TXNL4B: variants seen among roughly 807,000 people sequenced by gnomAD.
TXNL4B encodes the protein thioredoxin-like protein 4B.
A neutral mutation model predicts 13.0 loss-of-function variants in TXNL4B; 12 were observed. The observed-to-expected ratio is 0.92, with a 90% confidence interval of 0.59 to 1.49. TXNL4B has a LOEUF of 1.49. Ranked by LOEUF, TXNL4B falls within the 40% of genes most tolerant of loss-of-function variation. The pLI is 0.00. For missense variants in TXNL4B, 214 were observed against 173.6 expected (o/e 1.23, Z -1.31); for synonymous variants, 59 against 58.9 (o/e 1.00, Z -0.01).
rs1567595709 is a variant in TXNL4B, at chr16:72,086,820, GAA to G, written c.285-20_285-19del. ...CTGGAGATCTAGACAGCATAGAAGA[GAA>G]ACAACTGCTCTAAGAACTTTGAGTA... On this transcript the variant is annotated intron_variant, in intron 3 of 3. Coordinates refer to ENST00000268483, the MANE Select transcript of TXNL4B (RefSeq NM_017853.3). 2.0e-6 allele frequency: 3 copies of G among 1,534,774 alleles called. No homozygotes were observed. The Admixed American group carries it at 5.4e-5, about 28-fold the overall frequency.
At chr16:72,086,979 C>T (rs537964301) in intron 3 of TXNL4B, among the ~76,000 whole-genome samples, 177 bp from the exon 4 acceptor site, 1 of 152,330 alleles carries the variant, frequency 6.6e-6, no homozygotes, top group Admixed American at 6.5e-5. Context: ...GTAAATGACT[C>T]AACCCAGTGC....
intron 3 of TXNL4B, 47 bp downstream of exon 3, chr16:72,088,940 A>T: frequency 6.6e-7 from 1 of 1,513,200 alleles, no homozygotes; most frequent in Non-Finnish European, 9.1e-7. Context: ...AATGCTTACC[A>T]AGGAAACTTA....
chr16:72,087,819 C>G (rs1050707207), intron 3 of TXNL4B, among the ~76,000 whole-genome samples: 1 of 152,070 alleles, frequency 6.6e-6, no homozygotes, highest in African/African-American at 2.4e-5. Context: ...CACCCACCAT[C>G]ATGCCTGGCT....
At chr16:72,088,949 T>C in intron 3 of TXNL4B, 38 bp downstream of exon 3, 1 of 1,546,800 alleles carries the variant, frequency 6.5e-7, no homozygotes, top group Non-Finnish European at 8.8e-7. Flanking sequence ...CAAGGAAACT[T>C]ACAAGGTTGC....
At chr16:72,089,843 T>C (rs2041876759) in intron 2 of TXNL4B, among the ~76,000 whole-genome samples, 1 of 152,180 alleles carries the variant, frequency 6.6e-6, no homozygotes, top group African/African-American at 2.4e-5. Flanking sequence ...GAGTCCCCAT[T>C]TTATAGATAG....
Position 72,093,547 on chromosome 16 carries a change from G to C in TXNL4B, c.-218C>G, listed in dbSNP as rs1440202250. On this transcript the variant is annotated 5_prime_UTR_variant, in exon 1 of 4. Transcript: ENST00000268483. ...TGGCCCCGCTAGCGGGAAGGAAACC[G>C]AACAGAAAACGCACAAGCGCAGAAA... The C allele has an allele frequency of 6.6e-6, 1 of 152,328 alleles. No homozygotes were observed. Among genetic ancestry groups the C allele is most frequent in the Non-Finnish European group, 1.5e-5 (1 of 68,130 alleles). The allele number at this position is 152,328 out of a possible 1,614,324, so 9.4% of individuals were successfully genotyped here. A position where few individuals can be genotyped will look rare whatever the true frequency, so the allele number is the denominator to read the frequency against.
At position 72,090,800 on chromosome 16, in the gene TXNL4B, G is replaced by A; in HGVS notation, c.-37-14C>T. 1.2e-6 allele frequency: 2 copies of A among 1,609,962 alleles called. No homozygotes were observed. Among genetic ancestry groups the A allele is most frequent in the Non-Finnish European group, 1.7e-6 (2 of 1,177,654 alleles). ...TCACTGTCACTCCTGAAATAAAGGT[G>A]CAATGTTTAAAGACAGTTTAGATTA... On this transcript the variant is annotated splice_polypyrimidine_tract_variant and intron_variant, in intron 1 of 3. Coordinates refer to ENST00000268483, the MANE Select transcript of TXNL4B (RefSeq NM_017853.3).
In TXNL4B at chr16:72,088,770, A is replaced by G. The variant is rs370611601; in HGVS notation, c.284+217T>C. Among the ~76,000 whole-genome samples the G allele has an allele frequency of 2.3e-4, 35 of 152,316 alleles. 2 individuals carry two copies. Among genetic ancestry groups the G allele is most frequent in the Admixed American group, 1.0e-3 (16 of 15,304 alleles). ...AAAATTTGACAAACCATGTGTATGC[A>G]CTATTAAAAAAATAAATAAAATTTG... On this transcript the variant is annotated intron_variant, in intron 3 of 3. Coordinates refer to ENST00000268483, the MANE Select transcript of TXNL4B (RefSeq NM_017853.3).
intron 3 of TXNL4B, 104 bp downstream of exon 3, chr16:72,088,883 T>G (rs760590283): frequency 3.6e-5 from 31 of 854,030 alleles, no homozygotes; most frequent in Non-Finnish European, 5.3e-5. Flanking sequence ...AGTACTGATA[T>G]AAGACTCACA....
In TXNL4B at chr16:72,089,150, G is replaced by A. The variant is rs771542501; in HGVS notation, c.133-12C>T. Reference sequence around the variant, plus strand: ...GAGGTCTTAGAAAGCTGCAAATGACGAGAGAGACAAAGGTTACAATATGAG... The same window carrying A: ...GAGGTCTTAGAAAGCTGCAAATGACAAGAGAGACAAAGGTTACAATATGAG... On this transcript the variant is annotated splice_polypyrimidine_tract_variant and intron_variant, in intron 2 of 3. Transcript: ENST00000268483. 4.4e-6 allele frequency: 7 copies of A among 1,602,106 alleles called. No individual in the cohort carries two copies. The highest frequency in any genetic ancestry group is 1.7e-5 in the Admixed American group (1 of 59,234).
At position 72,086,732 on chromosome 16, in the gene TXNL4B, T is replaced by C; in HGVS notation, c.355A>G (p.Ile119Val). The change falls in exon 4 of 4, where the codon ATC becomes GTC. Residue 119 changes from isoleucine (I) to valine (V), a missense_variant. Ile to Val is a conservative substitution (Grantham distance 29). Coordinates refer to ENST00000268483, the MANE Select transcript of TXNL4B (RefSeq NM_017853.3). Reference protein sequence around the residue: ...KQDFIDLIEVIYRGAMRGKLI... With the variant: ...KQDFIDLIEVVYRGAMRGKLI... ...TTCCCCCTCATTGCTCCTCGATAGATTACTTCAATCAAATCTATGAAGTCT... is the reference window on the plus strand; with the variant it reads ...TTCCCCCTCATTGCTCCTCGATAGACTACTTCAATCAAATCTATGAAGTCT... 1.2e-6 allele frequency: 2 copies of C among 1,613,812 alleles called. No individual in the cohort carries two copies. The highest frequency in any genetic ancestry group is 1.7e-6 in the Non-Finnish European group (2 of 1,179,690).
At chr16:72,089,742 T>A (rs997533114) in intron 2 of TXNL4B, among the ~76,000 whole-genome samples, 3 of 152,254 alleles carry the variant, frequency 2.0e-5, no homozygotes, top group Non-Finnish European at 4.4e-5. Context: ...CAGACACTTA[T>A]ATAACATTAC....
At chr16:72,086,918 A>T in intron 3 of TXNL4B, 116 bp from the exon 4 acceptor site, 1 of 789,740 alleles carries the variant, frequency 1.3e-6, no homozygotes, top group Non-Finnish European at 1.9e-6. Context: ...TGTCAATGAG[A>T]CTTCAGAAAT....
chr16:72,090,208 C>T (rs778183458), intron 2 of TXNL4B: 1 of 457,068 alleles, frequency 2.2e-6, no homozygotes. Context: ...CTACAGAAAA[C>T]TGAGTTCAAA....
Position 72,090,693 on chromosome 16 carries a change from T to G in TXNL4B, c.57A>C (p.Lys19Asn), listed in dbSNP as rs1352356584. The change falls in exon 2 of 4, where the codon AAA becomes AAC. Residue 19 changes from lysine (K) to asparagine (N), a missense_variant. By Grantham distance (94) the Lys-to-Asn change is moderately conservative. Coordinates refer to ENST00000268483, the MANE Select transcript of TXNL4B (RefSeq NM_017853.3). ...TSKKEVDQAI[K>N]STAEKVLVLR... Reference sequence around the variant, plus strand: ...GAACCAACACCTTCTCAGCAGTACTTTTTATCGCCTGGTCTACTTCCTTTT... The same window carrying G: ...GAACCAACACCTTCTCAGCAGTACTGTTTATCGCCTGGTCTACTTCCTTTT... 2 of 1,614,200 alleles carry G rather than the reference T, an allele frequency of 1.2e-6. No homozygotes were observed. Among genetic ancestry groups the G allele is most frequent in the East Asian group, 4.5e-5 (2 of 44,886 alleles).
chr16:72,092,652 G>T (rs1212985465), intron 1 of TXNL4B, among the ~76,000 whole-genome samples: 1 of 152,148 alleles, frequency 6.6e-6, no homozygotes, highest in Non-Finnish European at 1.5e-5. Flanking sequence ...GAAAGTAAGG[G>T]GAGAACAAAG....
chr16:72,085,244 C>A lies in TXNL4B; in HGVS notation c.*1393G>T, dbSNP rs983438609. 4 of 375,566 alleles carry A rather than the reference C, an allele frequency of 1.1e-5. No homozygotes were observed. The highest frequency in any genetic ancestry group is 4.6e-5 in the Admixed American group (1 of 21,918). 23.3% of individuals were successfully genotyped at this position (375,566 alleles called of 1,614,324 possible). On this transcript the variant is annotated 3_prime_UTR_variant, in exon 4 of 4. Coordinates refer to ENST00000268483, the MANE Select transcript of TXNL4B (RefSeq NM_017853.3). ...GAAAGGGGTGGAATGGAGCCCCTGGCAAAGGGGGCTGGACTTGCAGTGACA... is the reference window on the plus strand; with the variant it reads ...GAAAGGGGTGGAATGGAGCCCCTGGAAAAGGGGGCTGGACTTGCAGTGACA...
Position 72,090,075 on chromosome 16 carries a change from C to T in TXNL4B, c.132+543G>A, listed in dbSNP as rs553341817. 65 of 455,704 alleles carry T rather than the reference C, an allele frequency of 1.4e-4. 1 individual carries two copies. Among genetic ancestry groups the T allele is most frequent in the South Asian group, 6.0e-4 (39 of 64,522 alleles). The allele number at this position is 455,704 out of a possible 1,614,324, so 28.2% of individuals were successfully genotyped here. On this transcript the variant is annotated intron_variant, in intron 2 of 3. Coordinates refer to ENST00000268483, the MANE Select transcript of TXNL4B (RefSeq NM_017853.3). ...GTAACCACGGAAATGAGGATTTGTA[C>T]GCTCAGCTCTTACACGGGATGGTAG... is the stretch of plus-strand genomic sequence containing the variant.
chr16:72,087,905 C>T (rs1319655670), intron 3 of TXNL4B, among the ~76,000 whole-genome samples: 2 of 152,042 alleles, frequency 1.3e-5, no homozygotes, highest in Non-Finnish European at 2.9e-5. Context: ...CTGCAAGCTC[C>T]GCCTCCTGGG....
Sources: allele counts gnomAD v4.1 joint callset (sites outside exome capture counted in the v4.1 genomes callset), GRCh38; gene constraint gnomAD v4.1.1; transcripts MANE v1.5; gene names NCBI Gene and HGNC (gene_info 2026-07-23, HGNC 2026-07-21).